Variants in DTWD2 observed in about 807,000 individuals in gnomAD.
DTWD2 encodes the protein DTW motif tRNA-uridine aminocarboxypropyltransferase 2.
Under a neutral mutation model 31.8 loss-of-function variants are expected in DTWD2, and 39 were observed. The ratio of observed to expected loss-of-function variants is 1.22; its 90% confidence interval spans 0.95 to 1.60. DTWD2 has a LOEUF of 1.60. Ranked by LOEUF, DTWD2 falls within the 40% of genes most tolerant of loss-of-function variation. The pLI is 0.00. For synonymous variants in DTWD2, 180 were observed against 142.8 expected (o/e 1.26, Z -1.86); for missense variants, 515 against 381.5 (o/e 1.35, Z -2.92).
At chr5:118,971,359 A>C (rs900266293) in intron 1 of DTWD2, among the ~76,000 whole-genome samples, 2 of 152,252 alleles carry the variant, frequency 1.3e-5, no homozygotes, top group Admixed American at 1.3e-4. Flanking sequence ...AACAGACTTT[A>C]AACCAACAAA....
chr5:118,966,063 T>C (rs1754840212), intron 1 of DTWD2, among the ~76,000 whole-genome samples: 1 of 152,260 alleles, frequency 6.6e-6, no homozygotes, highest in African/African-American at 2.4e-5. Context: ...CCACTATTTC[T>C]CTTGAGAAAC....
intron 3 of DTWD2, 132 bp downstream of exon 3, chr5:118,939,064 C>G: frequency 1.5e-6 from 1 of 682,430 alleles, no homozygotes; most frequent in Non-Finnish European, 2.2e-6. Context: ...CAGGGGTTAG[C>G]AGAACCTAAA....
chr5:118,908,282 G>C (rs184753684), intron 4 of DTWD2, among the ~76,000 whole-genome samples: 2 of 152,094 alleles, frequency 1.3e-5, no homozygotes, highest in South Asian at 2.1e-4. Flanking sequence ...GGAGTGATAC[G>C]GGTGAGTTCC....
intron 4 of DTWD2, among the ~76,000 whole-genome samples, chr5:118,881,602 A>G (rs7737388): frequency 0.21 from 31,924 of 152,072 alleles, 4,452 homozygotes; most frequent in African/African-American, 0.4. Context: ...AACTTATAAA[A>G]GAAAAAGGTT....
At chr5:118,956,348 C>T (rs889743046) in intron 1 of DTWD2, among the ~76,000 whole-genome samples, 14 of 152,172 alleles carry the variant, frequency 9.2e-5, no homozygotes, top group Non-Finnish European at 1.8e-4. Context: ...CAAATCATTT[C>T]CCCAAGGAAA....
At chr5:118,889,258 A>G (rs1332123950) in intron 4 of DTWD2, among the ~76,000 whole-genome samples, 1 of 152,166 alleles carries the variant, frequency 6.6e-6, no homozygotes, top group African/African-American at 2.4e-5. Flanking sequence ...TCTCATATAA[A>G]GATAAGTACT....
At chr5:118,897,155 T>C (rs1753101935) in intron 4 of DTWD2, among the ~76,000 whole-genome samples, 1 of 152,180 alleles carries the variant, frequency 6.6e-6, no homozygotes, top group Non-Finnish European at 1.5e-5. Context: ...TTTATTACAG[T>C]GAAAGAATAC....
chr5:118,930,107 G>A (rs566248546), intron 3 of DTWD2, among the ~76,000 whole-genome samples: 67 of 152,148 alleles, frequency 4.4e-4, no homozygotes, highest in African/African-American at 1.2e-3. Context: ...TCCCTTACAC[G>A]TCAATAAATT....
At chr5:118,963,743 C>A (rs191654117) in intron 1 of DTWD2, among the ~76,000 whole-genome samples, 4 of 152,180 alleles carry the variant, frequency 2.6e-5, no homozygotes, top group Admixed American at 2.0e-4. Flanking sequence ...TACCACCTCC[C>A]CTGTAAAGTT....
chr5:118,888,483 A>G (rs902756094), intron 4 of DTWD2, among the ~76,000 whole-genome samples: 5 of 152,200 alleles, frequency 3.3e-5, no homozygotes, highest in Admixed American at 3.3e-4. Flanking sequence ...TGTATATGCC[A>G]CACTGTTTAT....
At chr5:118,852,879 A>C (rs1469583613) in intron 4 of DTWD2, among the ~76,000 whole-genome samples, 1 of 152,220 alleles carries the variant, frequency 6.6e-6, no homozygotes, top group East Asian at 1.9e-4. Context: ...AACACTATGC[A>C]TTCATAAAAA....
intron 4 of DTWD2, among the ~76,000 whole-genome samples, chr5:118,884,827 A>C (rs1173138062): frequency 6.6e-6 from 1 of 151,512 alleles, no homozygotes; most frequent in Non-Finnish European, 1.5e-5. Flanking sequence ...TAACACGGTG[A>C]AACCCGGCCT....
intron 1 of DTWD2, 85 bp from the exon 2 acceptor site, chr5:118,944,734 C>A: frequency 8.0e-7 from 1 of 1,249,542 alleles, no homozygotes. Flanking sequence ...AATCCCACTG[C>A]ATTTATACAA....
intron 1 of DTWD2, among the ~76,000 whole-genome samples, chr5:118,962,706 T>C (rs956182704): frequency 6.6e-5 from 10 of 152,330 alleles, no homozygotes; most frequent in Admixed American, 6.5e-4. Context: ...TTAACATTTA[T>C]TGCACACTTT....
intron 4 of DTWD2, among the ~76,000 whole-genome samples, chr5:118,906,966 G>C (rs1753347355): frequency 6.6e-6 from 1 of 152,128 alleles, no homozygotes; most frequent in African/African-American, 2.4e-5. Context: ...GAATTAGAGG[G>C]ACAAATTAGA....
At chr5:118,875,783 C>A (rs375326206) in intron 4 of DTWD2, among the ~76,000 whole-genome samples, 2 of 151,460 alleles carry the variant, frequency 1.3e-5, no homozygotes, top group African/African-American at 4.9e-5. Flanking sequence ...TAACACCCCA[C>A]GGACAATCTT....
At chr5:118,942,000 T>C (rs563431681) in intron 2 of DTWD2, among the ~76,000 whole-genome samples, 59 of 152,348 alleles carry the variant, frequency 3.9e-4, no homozygotes, top group African/African-American at 1.4e-3. Flanking sequence ...TCTGTTCATA[T>C]CCTTTGTCCA....
At chr5:118,955,076 GT>G (rs1413840281) in intron 1 of DTWD2, among the ~76,000 whole-genome samples, 1 of 152,006 alleles carries the variant, frequency 6.6e-6, no homozygotes. Flanking sequence ...GAAGAAAACA[GT>G]TACTAAAAAA....
At chr5:118,856,093 G>A (rs770404104) in intron 4 of DTWD2, among the ~76,000 whole-genome samples, 63 of 152,066 alleles carry the variant, frequency 4.1e-4, no homozygotes, top group Non-Finnish European at 8.2e-4. Context: ...ATCCATCCAA[G>A]TTCACTTACG....
Sources: gnomAD v4.1 joint callset for allele counts (sites outside exome capture counted in the v4.1 genomes callset) on GRCh38, gnomAD v4.1.1 for gene constraint, MANE v1.5 for transcripts, NCBI Gene and HGNC (gene_info 2026-07-23, HGNC 2026-07-21) for gene names.